CDK1: variants seen among roughly 807,000 people sequenced by gnomAD.
CDK1 encodes the protein cyclin dependent kinase 1.
In CDK1, 5 loss-of-function variants were observed where a neutral mutation model predicts 34.6. The observed-to-expected ratio is 0.14, with a 90% CI of 0.08 to 0.30. CDK1 has a LOEUF of 0.30. Among genes scored for constraint, CDK1 ranks in the 10% least tolerant of loss-of-function variants. The probability of loss-of-function intolerance (pLI) is 1.00; values close to 1 mark genes in which losing one functional copy is unlikely to be tolerated. For synonymous variants in CDK1, 108 were observed against 114.7 expected (o/e 0.94, Z 0.37); for missense variants, 157 against 345.7 (o/e 0.45, Z 4.33).
At position 60,793,957 on chromosome 10, in the gene CDK1, T is replaced by C. The variant is rs1323990380; in HGVS notation, c.876T>C (p.Asn292=). 1 of 1,533,926 alleles carries C rather than the reference T, an allele frequency of 6.5e-7. No individual in the cohort carries two copies. The highest frequency in any genetic ancestry group is 8.7e-7 in the Non-Finnish European group (1 of 1,143,382). ...LNHPYFNDLD[N]QIKKM is the part of the protein sequence containing the mutation. ...ATCCATATTTTAATGATTTGGACAA[T>C]CAGATTAAGAAGATGTAGCTTTCTG... The change falls in exon 8 of 8, where the codon AAT becomes AAC. Residue 292 remains asparagine, a synonymous_variant. Transcript: ENST00000395284.
intron 4 of CDK1, chr10:60,786,978 G>A (rs972366074): frequency 2.9e-5 from 28 of 982,340 alleles, no homozygotes; most frequent in Non-Finnish European, 3.4e-5. Context: ...AGTAAGTCCT[G>A]TCTTCCACAC....
rs1388236578 is a variant in CDK1 at position 60,793,955 on chromosome 10, A to G, written c.874A>G (p.Asn292Asp). Residue 292 changes from asparagine to aspartate, a missense_variant, in exon 8 of 8, where the codon AAT becomes GAT. Asn to Asp is a conservative substitution (Grantham distance 23). Around this residue, in one of 3 missense-constraint regions of CDK1, gnomAD observed 102 missense variants for 233.6 expected, o/e 0.44. Transcript: ENST00000395284. ...LNHPYFNDLDNQIKKM is the reference protein window; with the variant it reads ...LNHPYFNDLDDQIKKM Reference sequence around the variant, plus strand: ...TCATCCATATTTTAATGATTTGGACAATCAGATTAAGAAGATGTAGCTTTC... The same window carrying G: ...TCATCCATATTTTAATGATTTGGACGATCAGATTAAGAAGATGTAGCTTTC... 1.3e-6 allele frequency: 2 copies of G among 1,534,406 alleles called. No individual in the cohort carries two copies. Among genetic ancestry groups the G allele is most frequent in the South Asian group, 1.2e-5 (1 of 80,628 alleles).
intron 7 of CDK1, among the ~76,000 whole-genome samples, chr10:60,793,414 C>T (rs1394061914): frequency 6.6e-6 from 1 of 151,998 alleles, no homozygotes; most frequent in Admixed American, 6.6e-5. Context: ...CATTTAGTGA[C>T]TCATTTTTAG....
intron 4 of CDK1, chr10:60,786,286 T>C: frequency 2.0e-6 from 2 of 981,124 alleles, no homozygotes; most frequent in Non-Finnish European, 2.4e-6. Context: ...TAGTTTTATT[T>C]GTAATCTTAC....
At chr10:60,786,556 C>T (rs2456774) in intron 4 of CDK1, 134,341 of 178,006 alleles carry the variant, frequency 0.75, 50,889 homozygotes, top group East Asian at 0.84. Flanking sequence ...TATTTATCTT[C>T]GTATGCAACT....
chr10:60,779,127 C>G, intron 1 of CDK1, among the ~76,000 whole-genome samples: 1 of 149,122 alleles, frequency 6.7e-6, no homozygotes. Context: ...CTGTTAAGAA[C>G]AGTCAGCCCA....
chr10:60,788,056 C>A lies in CDK1; in HGVS notation c.319-4C>A. On this transcript the variant is annotated splice_polypyrimidine_tract_variant and splice_region_variant and intron_variant, in intron 4 of 7. Transcript: ENST00000395284. ...AGTTTCTAACTTTTACTTGCTTTTT[C>A]CAGAGTTATTTATACCAAATCCTAC... 1 of 1,364,910 alleles carries A rather than the reference C, an allele frequency of 7.3e-7. No homozygotes were observed. The allele number at this position is 1,364,910 out of a possible 1,614,324, so 84.5% of individuals were successfully genotyped here. A position where few individuals can be genotyped will look rare whatever the true frequency, so the allele number is the denominator to read the frequency against.
At chr10:60,790,770 T>C (rs955129862) in intron 5 of CDK1, among the ~76,000 whole-genome samples, 1 of 152,202 alleles carries the variant, frequency 6.6e-6, no homozygotes, top group African/African-American at 2.4e-5. Flanking sequence ...CCAGCACCAT[T>C]TATTGAAGAG....
intron 5 of CDK1, 52 bp from the exon 6 acceptor site, chr10:60,791,838 A>G (rs2080362126): frequency 4.2e-6 from 4 of 948,622 alleles, no homozygotes; most frequent in Non-Finnish European, 6.5e-6. Flanking sequence ...GTTTAAGTGT[A>G]GGTAATTTTA....
At position 60,785,644 on chromosome 10, in the gene CDK1, CAT is replaced by C. The variant is rs757565151; in HGVS notation, c.195-15_195-14del. On this transcript the variant is annotated intron_variant, in intron 3 of 7. Transcript: ENST00000395284. Reference sequence around the variant, plus strand: ...AAAAATGTTTGCTGGATTCTTCTCTCATATATTTTTTTTCCCCAGTCTTCAGG... The same window carrying C: ...AAAAATGTTTGCTGGATTCTTCTCTCATATTTTTTTTCCCCAGTCTTCAGG... The C allele has an allele frequency of 2.1e-5, 32 of 1,495,404 alleles. 1 individual carries two copies. The South Asian group carries it at 3.0e-4, about 14-fold the overall frequency. 92.6% of individuals were successfully genotyped at this position (1,495,404 alleles called of 1,614,324 possible).
Position 60,794,037 on chromosome 10 carries a change from C to T in CDK1, c.*62C>T. ...GATAGTTGTGTTTTTATTGTTAACT[C>T]TTGTCTATTTTTGTCTTATATATAT... On this transcript the variant is annotated 3_prime_UTR_variant, in exon 8 of 8. Transcript: ENST00000395284. The T allele has an allele frequency of 1.2e-6, 1 of 816,802 alleles. No individual in the cohort carries two copies. Among genetic ancestry groups the T allele is most frequent in the African/African-American group, 1.8e-5 (1 of 54,674 alleles). 50.6% of individuals were successfully genotyped at this position (816,802 alleles called of 1,614,324 possible).
chr10:60,790,129 A>G (rs975368020), intron 5 of CDK1, among the ~76,000 whole-genome samples: 1 of 152,136 alleles, frequency 6.6e-6, no homozygotes, highest in East Asian at 1.9e-4. Context: ...TCTTTGTTGT[A>G]TGAATGATTT....
Position 60,791,968 on chromosome 10 carries a change from A to G in CDK1, c.568A>G (p.Ile190Val). The change falls in exon 6 of 8, where the codon ATA becomes GTA. Residue 190 changes from isoleucine (I) to valine (V), a missense_variant. Coordinates refer to ENST00000395284, the MANE Select transcript of CDK1 (RefSeq NM_001786.5). ...CTCAACTCCAGTTGACATTTGGAGT[A>G]TAGGCACCATATTTGCTGAACTAGC... The part of the protein sequence containing the change: ...RYSTPVDIWS[I>V]GTIFAELATK... The G allele has an allele frequency of 6.2e-7, 1 of 1,610,314 alleles. No homozygotes were observed. The highest frequency in any genetic ancestry group is 8.5e-7 in the Non-Finnish European group (1 of 1,176,654).
chr10:60,785,855 C>T, intron 4 of CDK1, 68 bp downstream of exon 4: 2 of 1,384,248 alleles, frequency 1.4e-6, no homozygotes, highest in Non-Finnish European at 1.9e-6. Flanking sequence ...TATAGAAGTC[C>T]CTGCATTTTG....
intron 5 of CDK1, among the ~76,000 whole-genome samples, 159 bp from the exon 6 acceptor site, chr10:60,791,731 A>G (rs1186564933): frequency 6.6e-6 from 1 of 152,180 alleles, no homozygotes; most frequent in African/African-American, 2.4e-5. Flanking sequence ...GAAATGAAAT[A>G]TTTATCTTCA....
chr10:60,782,540 C>T (rs2080281847), intron 2 of CDK1, among the ~76,000 whole-genome samples: 1 of 152,100 alleles, frequency 6.6e-6, no homozygotes, highest in Admixed American at 6.5e-5. Context: ...GGAACCTTGC[C>T]TGGCATTTAG....
chr10:60,785,683 C>G lies in CDK1; in HGVS notation c.214C>G (p.Gln72Glu). 1 of 1,604,434 alleles carries G rather than the reference C, an allele frequency of 6.2e-7. No individual in the cohort carries two copies. Among genetic ancestry groups the G allele is most frequent in the Non-Finnish European group, 8.5e-7 (1 of 1,174,072 alleles). Residue 72 changes from glutamine (Q) to glutamate (E), a missense_variant, in exon 4 of 8, where the codon CAG becomes GAG. Physicochemically the swap from Gln to Glu is conservative, Grantham distance 29. Coordinates refer to ENST00000395284, the MANE Select transcript of CDK1 (RefSeq NM_001786.5). The part of the protein sequence containing the change: ...NIVSLQDVLM[Q>E]DSRLYLIFEF... The stretch of plus-strand genomic sequence containing the variant: ...CCCCAGTCTTCAGGATGTGCTTATG[C>G]AGGATTCCAGGTTATATCTCATCTT...
At chr10:60,791,237 C>T (rs2080357749) in intron 5 of CDK1, among the ~76,000 whole-genome samples, 1 of 151,984 alleles carries the variant, frequency 6.6e-6, no homozygotes, top group Admixed American at 6.6e-5. Context: ...TTATACATCT[C>T]ATTTGTTAAA....
At chr10:60,784,637 AAAAAAAAG>A (rs1442232721) in intron 2 of CDK1, 60 bp from the exon 3 acceptor site, 3 of 1,401,810 alleles carry the variant, frequency 2.1e-6, no homozygotes, top group Admixed American at 4.3e-5. Context: ...CATAAGGAAA[AAAAAAAAG>A]AAAAAAAGAT....
Sources: allele counts gnomAD v4.1 joint callset (sites outside exome capture counted in the v4.1 genomes callset), GRCh38; gene constraint gnomAD v4.1.1; regional missense constraint gnomAD v4.1.1; transcripts MANE v1.5; gene names NCBI Gene and HGNC (gene_info 2026-07-23, HGNC 2026-07-21).